Variants in PARD3 observed in about 807,000 individuals in gnomAD.
The protein encoded by PARD3 is par-3 family cell polarity regulator.
In PARD3, 75 loss-of-function variants were observed where a neutral mutation model predicts 155.4. The ratio of observed to expected loss-of-function variants is 0.48; its 90% confidence interval spans 0.40 to 0.58. PARD3 has a LOEUF of 0.58. Ranked by LOEUF, PARD3 falls within the 20% of genes least tolerant of loss-of-function variation. The pLI is 0.00. For missense variants in PARD3, 1,642 were observed against 1,721.7 expected (o/e 0.95, Z 0.82); for synonymous variants, 576 against 610.5 (o/e 0.94, Z 0.83).
chr10:34,694,423 G>A (rs1025470017), intron 2 of PARD3, among the ~76,000 whole-genome samples: 1 of 150,408 alleles, frequency 6.6e-6, no homozygotes, highest in Non-Finnish European at 1.5e-5. Flanking sequence ...AGGAGAAACG[G>A]CACCAAGAAA....
chr10:34,779,855 A>G (rs1840043610), intron 1 of PARD3, among the ~76,000 whole-genome samples: 1 of 152,096 alleles, frequency 6.6e-6, no homozygotes, highest in African/African-American at 2.4e-5. Context: ...TTTCAAGGAG[A>G]CGTGTCCATT....
In PARD3 at chr10:34,197,971, C is replaced by T. The variant is rs531815671; in HGVS notation, c.3420-66388G>A. 3.2e-3 allele frequency among the ~76,000 whole-genome samples: 480 copies of T among 152,286 alleles called. 3 individuals are homozygous for T. Among genetic ancestry groups the T allele is most frequent in the African/African-American group, 8.3e-3 (344 of 41,550 alleles). ...TCTTGAGGTCTTGATCTCTTGACAT[C>T]GTGATCCGCCTGCCTCAGCCTCCCA... On this transcript the variant is annotated intron_variant, in intron 22 of 24. Transcript: ENST00000374788.
At chr10:34,475,678 A>G (rs1450880451) in intron 3 of PARD3, among the ~76,000 whole-genome samples, 1 of 152,232 alleles carries the variant, frequency 6.6e-6, no homozygotes, top group African/African-American at 2.4e-5. Context: ...TTATTTCAGA[A>G]AATCACATGT....
chr10:34,735,367 G>C (rs1357709741), intron 1 of PARD3, among the ~76,000 whole-genome samples: 2 of 152,080 alleles, frequency 1.3e-5, no homozygotes, highest in Admixed American at 1.3e-4. Flanking sequence ...AGTTATGATA[G>C]GTTCATATGA....
At chr10:34,666,940 G>A (rs11009855) in intron 2 of PARD3, among the ~76,000 whole-genome samples, 3,221 of 151,890 alleles carry the variant, frequency 0.021, 118 homozygotes, top group African/African-American at 0.074. Context: ...AGACCAGGGC[G>A]GGTGGATCAC....
At chr10:34,174,676 CA>C (rs530707495) in intron 22 of PARD3, among the ~76,000 whole-genome samples, 173 of 152,272 alleles carry the variant, frequency 1.1e-3, no homozygotes, top group African/African-American at 4.1e-3. Flanking sequence ...ATTTTTCAAA[CA>C]ATATTTCTCA....
At chr10:34,506,147 A>G (rs925658213) in intron 3 of PARD3, among the ~76,000 whole-genome samples, 8 of 152,118 alleles carry the variant, frequency 5.3e-5, no homozygotes, top group Non-Finnish European at 7.4e-5. Flanking sequence ...AAGAGAAAAG[A>G]AAAAAGAAAT....
At chr10:34,129,213 T>G (rs551464702) in intron 23 of PARD3, among the ~76,000 whole-genome samples, 1 of 152,296 alleles carries the variant, frequency 6.6e-6, no homozygotes, top group Non-Finnish European at 1.5e-5. Flanking sequence ...AGGGCAGTGG[T>G]GCAATCTTGG....
intron 1 of PARD3, among the ~76,000 whole-genome samples, chr10:34,735,045 A>G (rs1473033385): frequency 6.6e-6 from 1 of 152,022 alleles, no homozygotes; most frequent in African/African-American, 2.4e-5. Context: ...AATTCTGAGA[A>G]AAGGATGTAA....
intron 21 of PARD3, among the ~76,000 whole-genome samples, chr10:34,279,040 C>T (rs986405213): frequency 2.8e-4 from 43 of 151,710 alleles, no homozygotes; most frequent in Admixed American, 1.8e-3. Flanking sequence ...AAGCAAACTG[C>T]ATTTTCCTAC....
At position 34,317,182 on chromosome 10, in the gene PARD3, T is replaced by C; in HGVS notation, c.2990A>G (p.Lys997Arg). 1 of 1,611,044 alleles carries C rather than the reference T, an allele frequency of 6.2e-7. No homozygotes were observed. The highest frequency in any genetic ancestry group is 1.1e-5 in the South Asian group (1 of 90,418). ...ATCCTTCTCCTTATCTCTATCTTTC[T>C]TCTTTTCTTTTCCAGTTTTATCCTT... is the stretch of plus-strand genomic sequence containing the variant. ...RKKDKTGKEK[K>R]KDRDKEKDKM... Residue 997 changes from lysine to arginine, a missense_variant, in exon 20 of 25, where the codon AAG (lysine) becomes AGG (arginine). Physicochemically the swap from Lys to Arg is conservative, Grantham distance 26. Transcript: ENST00000374788.
intron 16 of PARD3, among the ~76,000 whole-genome samples, chr10:34,338,454 A>C (rs1486215117): frequency 6.6e-6 from 1 of 152,222 alleles, no homozygotes; most frequent in Non-Finnish European, 1.5e-5. Context: ...AGGTCCGGCC[A>C]CCTTGCCTAT....
At chr10:34,565,260 C>CTTTTTTTTTTTTTTTTTTTTTTTTTTTT (rs59606413) in intron 2 of PARD3, among the ~76,000 whole-genome samples, 2 of 39,666 alleles carry the variant, frequency 5.0e-5, no homozygotes, top group African/African-American at 2.2e-4. Context: ...AGGAGCAAGG[C>CTTTTTTTTTTTTTTTTTTTTTTTTTTTT]TTTTTTTTTT....
intron 1 of PARD3, among the ~76,000 whole-genome samples, chr10:34,750,598 G>A (rs1368131885): frequency 1.3e-5 from 2 of 151,904 alleles, no homozygotes; most frequent in Admixed American, 6.6e-5. Flanking sequence ...GTTAGGGGCA[G>A]GGAGCCTTAT....
chr10:34,453,506 A>C (rs568560589), intron 4 of PARD3, among the ~76,000 whole-genome samples: 1 of 152,274 alleles, frequency 6.6e-6, no homozygotes, highest in Admixed American at 6.5e-5. Context: ...TATGTTCCCT[A>C]TTTCACATGG....
intron 12 of PARD3, among the ~76,000 whole-genome samples, chr10:34,366,419 G>A (rs759647289): frequency 6.6e-6 from 1 of 152,074 alleles, no homozygotes; most frequent in Non-Finnish European, 1.5e-5. Flanking sequence ...TTTCAACATA[G>A]AGTGGGTTTA....
At chr10:34,648,805 G>A (rs2092922482) in intron 2 of PARD3, among the ~76,000 whole-genome samples, 1 of 152,136 alleles carries the variant, frequency 6.6e-6, no homozygotes, top group Admixed American at 6.5e-5. Flanking sequence ...CCTTGTATGT[G>A]ACATTTTTAA....
In PARD3 at chr10:34,450,580, T is replaced by C. The variant is rs1191005856; in HGVS notation, c.583-132A>G. On this transcript the variant is annotated intron_variant, in intron 4 of 24. Transcript: ENST00000374788. ...AACATCTTTCCAATCCTATACAAAA[T>C]AGCTGATTGAGGACATTCCACCCAG... 3 of 830,122 alleles carry C rather than the reference T, an allele frequency of 3.6e-6. No homozygotes were observed. The East Asian group carries it at 8.3e-5, about 23-fold the overall frequency. The allele number at this position is 830,122 out of a possible 1,614,324, so 51.4% of individuals were successfully genotyped here.
At chr10:34,348,444 T>C (rs985123513) in intron 14 of PARD3, among the ~76,000 whole-genome samples, 1 of 152,230 alleles carries the variant, frequency 6.6e-6, no homozygotes, top group Admixed American at 6.5e-5. Flanking sequence ...CAATTTAAGT[T>C]ACAGTGTAAT....
Sources: allele counts gnomAD v4.1 joint callset (sites outside exome capture counted in the v4.1 genomes callset), GRCh38; gene constraint gnomAD v4.1.1; transcripts MANE v1.5; gene names NCBI Gene and HGNC (gene_info 2026-07-23, HGNC 2026-07-21).